The following TPRG1 variants were observed in gnomAD, a reference collection of about 807,000 sequenced individuals.
TPRG1 encodes the protein tumor protein p63 regulated 1.
In TPRG1, 29 loss-of-function variants were observed where a neutral mutation model predicts 29.3. That is an observed-to-expected ratio of 0.99 (90% CI 0.74 to 1.35). TPRG1 has a LOEUF of 1.35. TPRG1 is among the 40% of genes most tolerant of loss of function. The pLI, the probability that TPRG1 is intolerant of heterozygous loss-of-function variation, is 0.00. For missense variants in TPRG1, 327 were observed against 335.0 expected (o/e 0.98, Z 0.19); for synonymous variants, 130 against 116.8 (o/e 1.11, Z -0.73).
intron 4 of TPRG1, among the ~76,000 whole-genome samples, chr3:189,070,945 T>C (rs1041955940): frequency 6.6e-6 from 1 of 152,088 alleles, no homozygotes; most frequent in African/African-American, 2.4e-5. Context: ...GGCCTGTTGA[T>C]TGAAAATAGA....
intron 1 of TPRG1, among the ~76,000 whole-genome samples, chr3:189,175,239 T>C (rs2108676095): frequency 6.6e-6 from 1 of 152,258 alleles, no homozygotes; most frequent in Non-Finnish European, 1.5e-5. Context: ...CCATCAGAGA[T>C]AATTGTAAGG....
chr3:189,119,902 G>C (rs1403459301), intron 1 of TPRG1, among the ~76,000 whole-genome samples: 3 of 152,180 alleles, frequency 2.0e-5, no homozygotes, highest in African/African-American at 7.2e-5. Context: ...GTCCACCGGA[G>C]CGCCTCTGGC....
At chr3:189,064,033 A>G (rs1426708800) in intron 4 of TPRG1, among the ~76,000 whole-genome samples, 1 of 152,194 alleles carries the variant, frequency 6.6e-6, no homozygotes, top group African/African-American at 2.4e-5. Context: ...CTTAATACAC[A>G]TAAGATGCAC....
At chr3:189,044,857 T>G (rs1714871438) in intron 4 of TPRG1, among the ~76,000 whole-genome samples, 1 of 152,188 alleles carries the variant, frequency 6.6e-6, no homozygotes, top group Non-Finnish European at 1.5e-5. Flanking sequence ...ATCAAAGGAT[T>G]AGAATTAATT....
chr3:189,082,469 AAC>A (rs144247073), intron 4 of TPRG1, among the ~76,000 whole-genome samples: 13,940 of 152,176 alleles, frequency 0.092, 808 homozygotes, highest in African/African-American at 0.17. Context: ...GAAGCAAGAC[AAC>A]AGTTGGTAAG....
chr3:189,137,923 G>T (rs942266552), intron 3 of TPRG1, among the ~76,000 whole-genome samples: 28 of 152,100 alleles, frequency 1.8e-4, no homozygotes, highest in African/African-American at 6.3e-4. Flanking sequence ...TTTTAAGCTG[G>T]AAGATGTAGC....
intron 1 of TPRG1, among the ~76,000 whole-genome samples, chr3:189,205,580 A>G (rs6783147): frequency 0.31 from 47,832 of 152,180 alleles, 9,643 homozygotes; most frequent in African/African-American, 0.59. Context: ...TTGTTTCACA[A>G]GAACCAAGGA....
intron 1 of TPRG1, among the ~76,000 whole-genome samples, chr3:188,997,808 C>T (rs549836252): frequency 8.5e-5 from 13 of 152,254 alleles, no homozygotes; most frequent in African/African-American, 1.2e-4. Flanking sequence ...GACTATATCA[C>T]GAAGTATAAA....
intron 3 of TPRG1, among the ~76,000 whole-genome samples, chr3:189,137,714 C>T (rs530076139): frequency 1.1e-4 from 16 of 152,238 alleles, no homozygotes; most frequent in Non-Finnish European, 2.4e-4. Flanking sequence ...AGGGAAGTTC[C>T]GCATGTCTAC....
intron 4 of TPRG1, among the ~76,000 whole-genome samples, chr3:189,258,116 G>C (rs1010527780): frequency 6.6e-6 from 1 of 151,998 alleles, no homozygotes; most frequent in Non-Finnish European, 1.5e-5. Context: ...TTTTGTGCTG[G>C]TTTTTCCTCA....
upstream of TPRG1, among the ~76,000 whole-genome samples, chr3:189,167,174 C>T (rs994800489): frequency 3.3e-5 from 5 of 152,218 alleles, no homozygotes; most frequent in East Asian, 1.9e-4. Context: ...TCCACTCCAG[C>T]GTAACCCACA....
intron 2 of TPRG1, 48 bp downstream of exon 2, chr3:189,207,642 A>G (rs371463429): frequency 3.8e-6 from 6 of 1,566,088 alleles, no homozygotes; most frequent in African/African-American, 1.4e-5. Flanking sequence ...TCACCCCAAG[A>G]CATCTTAAAA....
intron 4 of TPRG1, among the ~76,000 whole-genome samples, chr3:189,074,245 A>C (rs1200047349): frequency 8.2e-6 from 1 of 121,452 alleles, no homozygotes; most frequent in African/African-American, 3.3e-5. Context: ...TCGCTCTGTC[A>C]CCCAGGCTGG....
chr3:189,078,643 T>C (rs1717384642), intron 4 of TPRG1, among the ~76,000 whole-genome samples: 1 of 152,148 alleles, frequency 6.6e-6, no homozygotes, highest in African/African-American at 2.4e-5. Flanking sequence ...GAATTCAGGG[T>C]TATGAAGAAA....
chr3:189,269,897 A>C (rs572190462), intron 4 of TPRG1, among the ~76,000 whole-genome samples: 1 of 152,222 alleles, frequency 6.6e-6, no homozygotes, highest in Non-Finnish European at 1.5e-5. Context: ...TTATGTCACC[A>C]GGAAAAAGGA....
intron 1 of TPRG1, among the ~76,000 whole-genome samples, chr3:189,196,135 A>C (rs1386026082): frequency 6.6e-6 from 1 of 152,092 alleles, no homozygotes; most frequent in African/African-American, 2.4e-5. Context: ...GCTTCCATTA[A>C]TTTACTTTGT....
At chr3:189,132,551 G>A (rs1723224906) in exon 3 of TPRG1, 1 of 152,182 alleles carries the variant, frequency 6.6e-6, no homozygotes. Context: ...AGTCACCATT[G>A]CAGCCCGACC....
intron 4 of TPRG1, among the ~76,000 whole-genome samples, chr3:189,031,244 T>A (rs1204840540): frequency 6.6e-6 from 1 of 151,688 alleles, no homozygotes; most frequent in South Asian, 2.1e-4. Flanking sequence ...TGAGCCGCGA[T>A]TGCGCCACTG....
chr3:189,285,443 T>C (rs1330144336), intron 4 of TPRG1, among the ~76,000 whole-genome samples: 1 of 152,162 alleles, frequency 6.6e-6, no homozygotes, highest in East Asian at 1.9e-4. Flanking sequence ...ACTTGTTCCA[T>C]AGAATCACAC....
Sources: gnomAD v4.1 joint callset for allele counts (sites outside exome capture counted in the v4.1 genomes callset) on GRCh38, gnomAD v4.1.1 for gene constraint, MANE v1.5 for transcripts, NCBI Gene and HGNC (gene_info 2026-07-23, HGNC 2026-07-21) for gene names.